Variants in BCL9 observed in about 807,000 individuals in gnomAD.
BCL9 encodes the protein BCL9 transcription coactivator.
A neutral mutation model predicts 88.5 loss-of-function variants in BCL9; 25 were observed. The observed-to-expected ratio is 0.28, with a 90% CI of 0.21 to 0.39. BCL9 has a LOEUF of 0.39. Among genes scored for constraint, BCL9 ranks in the 10% least tolerant of loss-of-function variants. The pLI is 1.00. For missense variants in BCL9, 1,817 were observed against 1,877.8 expected (o/e 0.97, Z 0.60); for synonymous variants, 711 against 673.3 (o/e 1.06, Z -0.87).
At chr1:147,581,297 C>T (rs782287640) in intron 1 of BCL9, among the ~76,000 whole-genome samples, 1 of 152,172 alleles carries the variant, frequency 6.6e-6, no homozygotes, top group Non-Finnish European at 1.5e-5. Context: ...GACAGCTATA[C>T]GCTAATTGTG....
Position 147,624,297 on chromosome 1 carries a change from C to T in BCL9, c.3619C>T (p.Leu1207=). The change falls in exon 10 of 10, where the codon CTG becomes TTG. Residue 1207 remains leucine (L), a synonymous_variant. Coordinates refer to ENST00000234739, the MANE Select transcript of BCL9 (RefSeq NM_004326.4). The surrounding 1 kb of genome is among the most constrained non-coding windows in gnomAD (Gnocchi z 4.4). ...GPGGPDSFTV[L]GNSMPSVFTD... is the part of the protein sequence containing the mutation. ...CGGGGGTCCTGACTCCTTCACTGTCCTGGGGAACAGCATGCCTTCGGTGTT... is the reference window on the plus strand; with the variant it reads ...CGGGGGTCCTGACTCCTTCACTGTCTTGGGGAACAGCATGCCTTCGGTGTT... 1 of 1,614,166 alleles carries T rather than the reference C, an allele frequency of 6.2e-7. No homozygotes were observed. Among genetic ancestry groups the T allele is most frequent in the Non-Finnish European group, 8.5e-7 (1 of 1,180,018 alleles).
chr1:147,551,301 G>T (rs139964027), intron 1 of BCL9, among the ~76,000 whole-genome samples: 1 of 152,294 alleles, frequency 6.6e-6, no homozygotes, highest in East Asian at 1.9e-4. Flanking sequence ...TGACCGCAAA[G>T]GATTTCCAAA....
intron 1 of BCL9, among the ~76,000 whole-genome samples, chr1:147,590,910 A>G (rs1324784380): frequency 6.6e-6 from 1 of 152,254 alleles, no homozygotes; most frequent in Admixed American, 6.5e-5. Flanking sequence ...CATAAGGATC[A>G]AGTGTGGCTG....
rs1267772414 is a variant in BCL9 at position 147,596,416 on chromosome 1, CT to C, written c.-477-8346del. 7.1e-5 allele frequency among the ~76,000 whole-genome samples: 10 copies of C among 140,866 alleles called. 4 individuals carry two copies. Among genetic ancestry groups the C allele is most frequent in the African/African-American group, 1.1e-4 (4 of 37,766 alleles). 92.4% of individuals were successfully genotyped at this position (140,866 alleles called of 152,430 possible). ...AGATTGACTTTCTTTTTTTTCTTTT[CT>C]TTTTTTTTTTTTTTGAGACGGAGTC... On this transcript the variant is annotated intron_variant, in intron 1 of 9. Transcript: ENST00000234739.
chr1:147,554,339 A>C (rs1655012609), intron 1 of BCL9, among the ~76,000 whole-genome samples: 3 of 152,240 alleles, frequency 2.0e-5, no homozygotes, highest in Admixed American at 2.0e-4. Flanking sequence ...TGTAATGAGA[A>C]ACTGAAAAGA....
intron 7 of BCL9, 128 bp downstream of exon 7, chr1:147,616,030 T>C: frequency 1.1e-6 from 1 of 874,894 alleles, no homozygotes; most frequent in Non-Finnish European, 1.8e-6. Context: ...GCATTTAACC[T>C]AATTCTGGCA....
In BCL9 at chr1:147,619,990, T is replaced by G. The variant is rs1658523976; in HGVS notation, c.1835T>G (p.Phe612Cys). 2 of 1,614,076 alleles carry G rather than the reference T, an allele frequency of 1.2e-6. No individual in the cohort carries two copies. The highest frequency in any genetic ancestry group is 1.7e-6 in the Non-Finnish European group (2 of 1,179,896). ...AATTTTCCTCCTGGCCAGGGCATTT[T>G]CAGCGGTCCTGGCCGAGGGGAACGC... The part of the protein sequence containing the change: ...GRNFPPGQGI[F>C]SGPGRGERFP... Residue 612 changes from phenylalanine to cysteine, a missense_variant, in exon 8 of 10, where the codon TTC becomes TGC. Transcript: ENST00000234739. The surrounding 1 kb of genome is among the most constrained non-coding windows in gnomAD (Gnocchi z 4.1).
At chr1:147,570,354 T>C (rs1350635221) in intron 1 of BCL9, among the ~76,000 whole-genome samples, 1 of 152,100 alleles carries the variant, frequency 6.6e-6, no homozygotes, top group Non-Finnish European at 1.5e-5. Flanking sequence ...TCAGGAAGCA[T>C]TGAGGAGTCA....
chr1:147,610,774 T>G (rs910620161), intron 3 of BCL9, among the ~76,000 whole-genome samples: 83 of 152,220 alleles, frequency 5.5e-4, no homozygotes, highest in African/African-American at 1.8e-3. Flanking sequence ...GACTTTCTCA[T>G]TTGTTCTCTA....
intron 1 of BCL9, among the ~76,000 whole-genome samples, chr1:147,550,521 C>T (rs1240076958): frequency 6.6e-6 from 1 of 152,100 alleles, no homozygotes. Flanking sequence ...GACGTCATTT[C>T]ATGTATTTAT....
chr1:147,575,995 CA>C (rs374343852), intron 1 of BCL9, among the ~76,000 whole-genome samples: 11 of 152,190 alleles, frequency 7.2e-5, no homozygotes, highest in African/African-American at 2.6e-4. Flanking sequence ...ATAAAATTCT[CA>C]GTTTTTTTTT....
intron 1 of BCL9, among the ~76,000 whole-genome samples, chr1:147,592,454 T>C (rs1342130386): frequency 6.6e-6 from 1 of 152,198 alleles, no homozygotes; most frequent in Non-Finnish European, 1.5e-5. Context: ...ATTCCCTCAG[T>C]GCAGTTAGCA....
chr1:147,585,668 A>T (rs1656569023), intron 1 of BCL9, among the ~76,000 whole-genome samples: 1 of 152,130 alleles, frequency 6.6e-6, no homozygotes, highest in Non-Finnish European at 1.5e-5. Flanking sequence ...ACCTGCTTTT[A>T]AAAAAGACAC....
Position 147,624,120 on chromosome 1 carries a change from C to A in BCL9, c.3442C>A (p.Pro1148Thr). 1 of 1,598,386 alleles carries A rather than the reference C, an allele frequency of 6.3e-7. No homozygotes were observed. Among genetic ancestry groups the A allele is most frequent in the South Asian group, 1.1e-5 (1 of 88,936 alleles). The change falls in exon 10 of 10, where the codon CCA (proline) becomes ACA (threonine). Residue 1148 changes from proline (P) to threonine (T), a missense_variant. This residue lies in a region of BCL9 where 589 missense variants were observed against 686.2 expected (regional missense o/e 0.86). Coordinates refer to ENST00000234739, the MANE Select transcript of BCL9 (RefSeq NM_004326.4). The surrounding 1 kb of genome is among the most constrained non-coding windows in gnomAD (Gnocchi z 4.4). Reference sequence around the variant, plus strand: ...GGGCTTCCCTCCAGTACAGTCTCCCCCACAGCAGGTTCCATTCCCTCACAA... The same window carrying A: ...GGGCTTCCCTCCAGTACAGTCTCCCACACAGCAGGTTCCATTCCCTCACAA... ...PQGFPPVQSP[P>T]QQVPFPHNGP...
intron 1 of BCL9, among the ~76,000 whole-genome samples, chr1:147,553,829 C>T (rs1557820831): frequency 6.6e-6 from 1 of 152,152 alleles, no homozygotes; most frequent in Non-Finnish European, 1.5e-5. Flanking sequence ...CTTGCTTTTG[C>T]CAGCAGAGTT....
rs587767293 is a variant in BCL9, at chr1:147,586,813, CCTT to C, written c.-477-17962_-477-17960del. On this transcript the variant is annotated intron_variant, in intron 1 of 9. Transcript: ENST00000234739. ...GCTTTAAGGCCCAGCTCAAATATCT[CCTT>C]CGTGAAGCATTTTCTGATTGTTCCA... 3.2e-4 allele frequency among the ~76,000 whole-genome samples: 49 copies of C among 152,252 alleles called. 1 individual carries two copies. In the South Asian group the frequency reaches 9.3e-3, roughly 29 times the overall value.
chr1:147,542,165 C>G (rs1488071547), intron 1 of BCL9, among the ~76,000 whole-genome samples: 1 of 152,052 alleles, frequency 6.6e-6, no homozygotes, highest in African/African-American at 2.4e-5. Flanking sequence ...TCTGTGTGTG[C>G]GTGTGGACTT....
At chr1:147,588,089 C>T (rs587773497) in intron 1 of BCL9, among the ~76,000 whole-genome samples, 3 of 152,128 alleles carry the variant, frequency 2.0e-5, no homozygotes, top group South Asian at 2.1e-4. Flanking sequence ...TGACTATAAG[C>T]GGTATTTGGG....
At chr1:147,611,399 G>A (rs1657992827) in intron 3 of BCL9, among the ~76,000 whole-genome samples, 179 bp from the exon 4 acceptor site, 2 of 152,162 alleles carry the variant, frequency 1.3e-5, no homozygotes, top group Non-Finnish European at 2.9e-5. Context: ...CCCTCCAGCT[G>A]GTGTGGCCCC....
Sources: gnomAD v4.1 joint callset for allele counts (sites outside exome capture counted in the v4.1 genomes callset) on GRCh38, gnomAD v4.1.1 for gene constraint, gnomAD v4.1.1 regional missense constraint, Gnocchi (gnomAD v3.1) non-coding constraint, MANE v1.5 for transcripts, NCBI Gene and HGNC (gene_info 2026-07-23, HGNC 2026-07-21) for gene names.